Variants in ICA1L observed in about 807,000 individuals in gnomAD.
ICA1L encodes islet cell autoantigen 1 like, also known as islet cell autoantigen 1-like protein.
Under a neutral mutation model 61.3 loss-of-function variants are expected in ICA1L, and 50 were observed. The ratio of observed to expected loss-of-function variants is 0.82; its 90% CI spans 0.65 to 1.03. ICA1L has a LOEUF of 1.03. ICA1L is among the 50% of genes least tolerant of loss of function. The pLI, the probability that ICA1L is intolerant of heterozygous loss-of-function variation, is 0.00. For synonymous variants in ICA1L, 161 were observed against 191.3 expected (o/e 0.84, Z 1.31); for missense variants, 508 against 556.7 (o/e 0.91, Z 0.88).
chr2:202,837,994 T>C (rs1308006394), intron 1 of ICA1L, among the ~76,000 whole-genome samples: 1 of 151,980 alleles, frequency 6.6e-6, no homozygotes, highest in African/African-American at 2.4e-5. Context: ...GTTGGGATTA[T>C]AGGCGCCCAC....
At chr2:202,865,975 T>A (rs2105893458) in intron 1 of ICA1L, among the ~76,000 whole-genome samples, 2 of 152,266 alleles carry the variant, frequency 1.3e-5, no homozygotes, top group East Asian at 1.9e-4. Context: ...ACATCGAAAG[T>A]CATGAAATAT....
intron 1 of ICA1L, among the ~76,000 whole-genome samples, chr2:202,858,943 C>T (rs1021562351): frequency 6.6e-6 from 1 of 152,164 alleles, no homozygotes; most frequent in Non-Finnish European, 1.5e-5. Context: ...TTTCTCAGGA[C>T]GTATCCCTGT....
intron 9 of ICA1L, among the ~76,000 whole-genome samples, chr2:202,804,322 A>G (rs745448047): frequency 6.6e-6 from 1 of 152,256 alleles, no homozygotes; most frequent in Non-Finnish European, 1.5e-5. Context: ...GACAGGACAC[A>G]GTAGCAGGGA....
At chr2:202,830,912 C>G (rs1357124664) in intron 1 of ICA1L, among the ~76,000 whole-genome samples, 1 of 151,774 alleles carries the variant, frequency 6.6e-6, no homozygotes, top group African/African-American at 2.4e-5. Flanking sequence ...CAAAGAATCT[C>G]GAATCATAAA....
At chr2:202,841,652 C>T (rs1050614722) in intron 1 of ICA1L, 10 of 586,702 alleles carry the variant, frequency 1.7e-5, no homozygotes, top group African/African-American at 3.7e-5. Context: ...GCTGCCCACT[C>T]GGGAGAAGCT....
At chr2:202,786,883 A>T (rs1692605449) in intron 11 of ICA1L, 2 of 352,412 alleles carry the variant, frequency 5.7e-6, no homozygotes, top group Admixed American at 7.5e-5. Flanking sequence ...CTCTATGGGA[A>T]TGTGGAGAAA....
rs571367477 is a variant in ICA1L, at chr2:202,815,176, C to T, written c.784-392G>A. Among the ~76,000 whole-genome samples, 6 of 152,214 alleles carry T rather than the reference C, an allele frequency of 3.9e-5. No homozygotes were observed. The South Asian group carries it at 6.2e-4, about 16-fold the overall frequency. ...CCTAAATACACAGTATGCCATACAG[C>T]GAAGCATTTATTATATTAAAAGTAA... is the stretch of plus-strand genomic sequence containing the variant. On this transcript the variant is annotated intron_variant, in intron 7 of 12. Transcript: ENST00000358299.
At chr2:202,811,905 T>C in intron 8 of ICA1L, 116 bp from the exon 9 acceptor site, 2 of 744,280 alleles carry the variant, frequency 2.7e-6, no homozygotes, top group African/African-American at 1.8e-5. Flanking sequence ...CATAAAATCA[T>C]TGTCCACTAG....
chr2:202,861,284 A>G (rs1694903999), intron 1 of ICA1L, among the ~76,000 whole-genome samples: 2 of 151,242 alleles, frequency 1.3e-5, no homozygotes, highest in Admixed American at 6.6e-5. Flanking sequence ...TCGCACCTGT[A>G]GTCCCAGCTA....
intron 4 of ICA1L, 130 bp from the exon 5 acceptor site, chr2:202,820,029 A>G (rs1329935565): frequency 4.3e-6 from 3 of 703,710 alleles, no homozygotes; most frequent in African/African-American, 1.8e-5. Flanking sequence ...TCAGTTCCTA[A>G]GGAGATTTTG....
intron 9 of ICA1L, among the ~76,000 whole-genome samples, chr2:202,798,192 C>A (rs1227648465): frequency 6.6e-6 from 1 of 152,224 alleles, no homozygotes; most frequent in South Asian, 2.1e-4. Context: ...TGAACACTTA[C>A]AATGATTCCA....
At chr2:202,801,067 G>A (rs1693075101) in intron 9 of ICA1L, among the ~76,000 whole-genome samples, 1 of 152,168 alleles carries the variant, frequency 6.6e-6, no homozygotes, top group Non-Finnish European at 1.5e-5. Context: ...TTTCAGAGGT[G>A]GCTGGAGAAA....
chr2:202,796,785 C>CT (rs1334162381), intron 10 of ICA1L, 105 bp downstream of exon 10: 43 of 630,802 alleles, frequency 6.8e-5, no homozygotes, highest in Non-Finnish European at 7.1e-5. Context: ...TAGTTGCATT[C>CT]TTATGTAGAG....
At chr2:202,852,530 C>T (rs576227304) in intron 1 of ICA1L, among the ~76,000 whole-genome samples, 4 of 151,314 alleles carry the variant, frequency 2.6e-5, no homozygotes, top group South Asian at 2.1e-4. Context: ...AATTACCGGG[C>T]GTGGTGGCAG....
chr2:202,862,441 G>A (rs1694947782), intron 1 of ICA1L, among the ~76,000 whole-genome samples: 1 of 152,026 alleles, frequency 6.6e-6, no homozygotes, highest in Admixed American at 6.6e-5. Flanking sequence ...CTGGGTGACA[G>A]AGCAAGACTC....
intron 3 of ICA1L, among the ~76,000 whole-genome samples, chr2:202,823,181 T>G (rs778896688): frequency 1.1e-4 from 17 of 152,130 alleles, no homozygotes; most frequent in African/African-American, 3.9e-4. Flanking sequence ...CTGTGCTGCT[T>G]CTATGTTGAG....
At chr2:202,852,963 A>G (rs1159416456) in intron 1 of ICA1L, among the ~76,000 whole-genome samples, 2 of 151,924 alleles carry the variant, frequency 1.3e-5, no homozygotes, top group Non-Finnish European at 2.9e-5. Flanking sequence ...AGGAGTCCCT[A>G]TTTAATAAAT....
At chr2:202,831,572 A>G (rs1328449981) in intron 1 of ICA1L, among the ~76,000 whole-genome samples, 1 of 152,184 alleles carries the variant, frequency 6.6e-6, no homozygotes, top group Non-Finnish European at 1.5e-5. Context: ...CTCTCCCTAC[A>G]TCAACTTCCA....
At position 202,856,924 on chromosome 2, in the gene ICA1L, G is replaced by A. The variant is rs1239068378; in HGVS notation, c.-8+14695C>T. On this transcript the variant is annotated intron_variant, in intron 1 of 12. Coordinates refer to ENST00000358299, the MANE Select transcript of ICA1L (RefSeq NM_001288622.3). The stretch of plus-strand genomic sequence containing the variant: ...AAATACCTAGGAATACAAGTTACAA[G>A]GGATGTGAAGCACCTCTTCAAGGAG... 4.6e-5 allele frequency among the ~76,000 whole-genome samples: 7 copies of A among 152,268 alleles called. No individual in the cohort carries two copies. In the East Asian group the frequency reaches 1.2e-3, roughly 25 times the overall value.
Sources: gnomAD v4.1 joint callset for allele counts (sites outside exome capture counted in the v4.1 genomes callset) on GRCh38, gnomAD v4.1.1 for gene constraint, MANE v1.5 for transcripts, NCBI Gene and HGNC (gene_info 2026-07-23, HGNC 2026-07-21) for gene names.